The following ATP6V1H variants were observed in gnomAD, a reference collection of about 807,000 sequenced individuals.
ATP6V1H encodes ATPase H+ transporting V1 subunit H, also known as V-type proton ATPase subunit H.
Under a neutral mutation model 71.7 loss-of-function variants are expected in ATP6V1H, and 39 were observed. The observed-to-expected ratio is 0.54, with a 90% CI of 0.42 to 0.71. The LOEUF (loss-of-function observed/expected upper bound fraction) is 0.71, where lower values mean the gene tolerates loss of function less well. Ranked by LOEUF, ATP6V1H falls within the 30% of genes least tolerant of loss-of-function variation. The pLI, the probability that ATP6V1H is intolerant of heterozygous loss-of-function variation, is 0.00. For missense variants in ATP6V1H, 509 were observed against 594.9 expected (o/e 0.86, Z 1.50); for synonymous variants, 192 against 199.3 (o/e 0.96, Z 0.31).
At chr8:53,819,547 C>CATACAT (rs1810564943) in intron 4 of ATP6V1H, among the ~76,000 whole-genome samples, 20 of 35,132 alleles carry the variant, frequency 5.7e-4, no homozygotes, top group African/African-American at 2.0e-3. Context: ...AAAAAAAAAG[C>CATACAT]ATATATATAT....
intron 13 of ATP6V1H, among the ~76,000 whole-genome samples, chr8:53,733,239 A>G (rs1198834790): frequency 6.6e-6 from 1 of 152,216 alleles, no homozygotes; most frequent in Non-Finnish European, 1.5e-5. Context: ...CGCTTTCTTT[A>G]GCATCAGACT....
intron 11 of ATP6V1H, among the ~76,000 whole-genome samples, chr8:53,763,831 A>G (rs1054443390): frequency 6.6e-6 from 1 of 152,238 alleles, no homozygotes; most frequent in Admixed American, 6.5e-5. Context: ...GCTTATTGGC[A>G]GCAGAAACTG....
chr8:53,803,447 A>C (rs1809980036), intron 7 of ATP6V1H, among the ~76,000 whole-genome samples: 1 of 152,236 alleles, frequency 6.6e-6, no homozygotes. Flanking sequence ...GGAAAGAATC[A>C]CAGGTGTTAT....
chr8:53,744,238 T>C (rs987381608), intron 12 of ATP6V1H, among the ~76,000 whole-genome samples: 2 of 151,986 alleles, frequency 1.3e-5, no homozygotes, highest in African/African-American at 4.8e-5. Context: ...GGATATGCCA[T>C]GTGACTTGGG....
chr8:53,841,324 T>C (rs947772983), intron 2 of ATP6V1H, among the ~76,000 whole-genome samples: 1 of 152,130 alleles, frequency 6.6e-6, no homozygotes, highest in African/African-American at 2.4e-5. Context: ...TTCCCACTTA[T>C]TCCAAAAGTA....
chr8:53,743,798 C>G (rs2291218), intron 12 of ATP6V1H, 108 bp from the exon 13 acceptor site: 3 of 663,476 alleles, frequency 4.5e-6, no homozygotes, highest in African/African-American at 3.6e-5. Context: ...TAACAATGTA[C>G]GTAAATAAAC....
chr8:53,724,778 T>C (rs562319296), intron 13 of ATP6V1H, among the ~76,000 whole-genome samples: 3 of 151,870 alleles, frequency 2.0e-5, no homozygotes, highest in Admixed American at 2.0e-4. Context: ...TTCTGTTACA[T>C]CATTAGATGA....
At chr8:53,716,557 G>C (rs1431354364) in intron 13 of ATP6V1H, among the ~76,000 whole-genome samples, 1 of 152,196 alleles carries the variant, frequency 6.6e-6, no homozygotes, top group African/African-American at 2.4e-5. Flanking sequence ...ACCATCAGGA[G>C]CTACTGGTCT....
Position 53,794,517 on chromosome 8 carries a change from C to T in ATP6V1H, c.870+1130G>A, listed in dbSNP as rs530064735. ...AGCAGCTGGGATTACAGGCACATGA[C>T]ACCACGCCCAGCTAATTTTTGTGTT... On this transcript the variant is annotated intron_variant, in intron 9 of 13. Transcript: ENST00000359530. Among the ~76,000 whole-genome samples the T allele has an allele frequency of 6.6e-5, 10 of 152,246 alleles. No homozygotes were observed. The East Asian group carries it at 1.9e-3, about 29-fold the overall frequency.
intron 13 of ATP6V1H, among the ~76,000 whole-genome samples, chr8:53,740,651 A>G (rs1237086733): frequency 6.6e-6 from 1 of 152,250 alleles, no homozygotes; most frequent in Non-Finnish European, 1.5e-5. Context: ...TTAGAACACC[A>G]GCAGCATATT....
intron 13 of ATP6V1H, among the ~76,000 whole-genome samples, chr8:53,735,306 T>C (rs1330295094): frequency 6.6e-6 from 1 of 152,212 alleles, no homozygotes; most frequent in East Asian, 1.9e-4. Context: ...TTCCTAGCTT[T>C]GGACCACCCT....
chr8:53,716,140 TA>T, intron 13 of ATP6V1H, 116 bp from the exon 14 acceptor site: 1 of 748,460 alleles, frequency 1.3e-6, no homozygotes. Flanking sequence ...CAAAAATAAC[TA>T]AAAAGTCCTA....
At chr8:53,839,509 C>T (rs912975922) in intron 2 of ATP6V1H, 6 of 749,662 alleles carry the variant, frequency 8.0e-6, no homozygotes, top group East Asian at 1.3e-4. Flanking sequence ...TCTTTCACCC[C>T]CACACACCAA....
chr8:53,743,520 T>C, intron 13 of ATP6V1H, 57 bp downstream of exon 13: 2 of 1,239,222 alleles, frequency 1.6e-6, no homozygotes, highest in Non-Finnish European at 2.4e-6. Flanking sequence ...ACTTTTAGAA[T>C]GGCAAGTGAG....
intron 2 of ATP6V1H, among the ~76,000 whole-genome samples, chr8:53,838,866 T>C (rs1275814290): frequency 1.3e-5 from 2 of 152,218 alleles, no homozygotes; most frequent in Non-Finnish European, 2.9e-5. Context: ...CAGTACAGAA[T>C]GTGATAGAAG....
chr8:53,751,169 T>C (rs1015615367), intron 12 of ATP6V1H, among the ~76,000 whole-genome samples: 1 of 152,194 alleles, frequency 6.6e-6, no homozygotes, highest in Non-Finnish European at 1.5e-5. Flanking sequence ...ACTATCCATA[T>C]ATGTACTGTG....
intron 4 of ATP6V1H, among the ~76,000 whole-genome samples, chr8:53,820,402 A>G (rs1380887640): frequency 1.3e-5 from 2 of 151,996 alleles, no homozygotes; most frequent in Admixed American, 6.5e-5. Context: ...AGACCAAAAA[A>G]AAAAATCCAA....
chr8:53,830,886 T>C (rs1376784720), intron 3 of ATP6V1H, among the ~76,000 whole-genome samples: 1 of 152,184 alleles, frequency 6.6e-6, no homozygotes, highest in Non-Finnish European at 1.5e-5. Context: ...CAGCTACATG[T>C]TCCATTGCAC....
intron 4 of ATP6V1H, among the ~76,000 whole-genome samples, chr8:53,823,679 T>G (rs1245906146): frequency 6.6e-6 from 1 of 152,164 alleles, no homozygotes; most frequent in East Asian, 1.9e-4. Flanking sequence ...TTTCACCATG[T>G]TGGCCAGGCT....
Sources: gnomAD v4.1 joint callset for allele counts (sites outside exome capture counted in the v4.1 genomes callset) on GRCh38, gnomAD v4.1.1 for gene constraint, MANE v1.5 for transcripts, NCBI Gene and HGNC (gene_info 2026-07-23, HGNC 2026-07-21) for gene names.